CDH9: variants seen among roughly 807,000 people sequenced by gnomAD.
CDH9 encodes cadherin-9.
In CDH9, 28 loss-of-function variants were observed where a neutral mutation model predicts 70.9. The ratio of observed to expected loss-of-function variants is 0.40; its 90% CI spans 0.29 to 0.54. The LOEUF is 0.54. CDH9 is among the 20% of genes least tolerant of loss of function. The probability of loss-of-function intolerance (pLI) is 0.59; values close to 1 mark genes in which losing one functional copy is unlikely to be tolerated. For synonymous variants in CDH9, 409 were observed against 343.1 expected, an observed-to-expected ratio of 1.19 and a Z score of -2.12; for missense variants, 874 against 984.4, an observed-to-expected ratio of 0.89 and a Z score of 1.50.
At chr5:26,883,065 AT>A (rs1740496429) in intron 11 of CDH9, among the ~76,000 whole-genome samples, 1 of 124,042 alleles carries the variant, frequency 8.1e-6, no homozygotes, top group African/African-American at 3.1e-5. Flanking sequence ...ATATATATAT[AT>A]ATATATATAT....
intron 7 of CDH9, among the ~76,000 whole-genome samples, chr5:26,893,371 AG>A (rs1378852249): frequency 2.0e-5 from 3 of 152,162 alleles, no homozygotes; most frequent in Admixed American, 6.6e-5. Context: ...ACTTGGTCTC[AG>A]GTTTTACCTC....
intron 1 of CDH9, among the ~76,000 whole-genome samples, chr5:27,026,288 T>C (rs1036005963): frequency 6.6e-6 from 1 of 151,978 alleles, no homozygotes; most frequent in African/African-American, 2.4e-5. Context: ...GTGGGGTTTA[T>C]GAATTAAATT....
intron 2 of CDH9, among the ~76,000 whole-genome samples, chr5:26,987,270 T>G (rs1317902866): frequency 6.6e-6 from 1 of 151,936 alleles, no homozygotes; most frequent in Non-Finnish European, 1.5e-5. Flanking sequence ...GTTCGTTTTG[T>G]TGTAAAAATT....
At chr5:26,908,323 G>T (rs1420218001) in intron 3 of CDH9, among the ~76,000 whole-genome samples, 1 of 106,120 alleles carries the variant, frequency 9.4e-6, no homozygotes, top group Non-Finnish European at 1.9e-5. Context: ...TTTATGATGT[G>T]CAGAAGTTCA....
chr5:27,005,790 A>AT (rs1483100624), intron 1 of CDH9, among the ~76,000 whole-genome samples: 1 of 152,158 alleles, frequency 6.6e-6, no homozygotes, highest in Non-Finnish European at 1.5e-5. Context: ...GACAGACTGG[A>AT]TAAAAAAAAA....
At chr5:27,034,570 A>G (rs977592122) in intron 1 of CDH9, among the ~76,000 whole-genome samples, 1 of 151,260 alleles carries the variant, frequency 6.6e-6, no homozygotes, top group African/African-American at 2.4e-5. Flanking sequence ...TAAATAATAC[A>G]TCTCTCTCTT....
intron 7 of CDH9, among the ~76,000 whole-genome samples, chr5:26,898,558 C>A (rs1740794168): frequency 6.6e-6 from 1 of 152,212 alleles, no homozygotes; most frequent in Admixed American, 6.5e-5. Context: ...CTGACAAAAG[C>A]AAGAAATGGG....
At chr5:26,940,744 A>G (rs149241920) in intron 2 of CDH9, among the ~76,000 whole-genome samples, 151 of 152,322 alleles carry the variant, frequency 9.9e-4, no homozygotes, top group African/African-American at 3.6e-3. Flanking sequence ...GACAAACAAC[A>G]TAGAACAGTG....
At chr5:26,936,465 A>C (rs1741560124) in intron 2 of CDH9, among the ~76,000 whole-genome samples, 1 of 152,120 alleles carries the variant, frequency 6.6e-6, no homozygotes, top group Admixed American at 6.6e-5. Context: ...GAATAGGACC[A>C]CTCAGTATTT....
intron 3 of CDH9, among the ~76,000 whole-genome samples, chr5:26,914,110 A>C (rs1339200002): frequency 6.6e-6 from 1 of 152,038 alleles, no homozygotes; most frequent in Non-Finnish European, 1.5e-5. Context: ...TATTTCCATT[A>C]TCTTAATTAT....
chr5:26,982,238 A>G (rs891807569), intron 2 of CDH9, among the ~76,000 whole-genome samples: 6 of 152,074 alleles, frequency 3.9e-5, no homozygotes, highest in African/African-American at 1.4e-4. Context: ...CACTGAAATC[A>G]GTGGTGGAAG....
intron 2 of CDH9, among the ~76,000 whole-genome samples, chr5:26,926,926 C>T (rs925029149): frequency 8.3e-5 from 12 of 143,818 alleles, no homozygotes; most frequent in Admixed American, 1.4e-4. Context: ...AGCCCCCCCC[C>T]GCAAAAAAAA....
At chr5:26,982,821 T>G (rs1742421919) in intron 2 of CDH9, among the ~76,000 whole-genome samples, 1 of 151,996 alleles carries the variant, frequency 6.6e-6, no homozygotes, top group Non-Finnish European at 1.5e-5. Context: ...TAGCTAGGAT[T>G]ACAGGCACCT....
At chr5:26,960,450 T>A (rs965384485) in intron 2 of CDH9, among the ~76,000 whole-genome samples, 14 of 151,948 alleles carry the variant, frequency 9.2e-5, no homozygotes, top group African/African-American at 3.1e-4. Context: ...TTTTCACATT[T>A]CTACATATAA....
chr5:26,940,054 G>T (rs966865233), intron 2 of CDH9, among the ~76,000 whole-genome samples: 6 of 151,752 alleles, frequency 4.0e-5, no homozygotes, highest in Non-Finnish European at 8.8e-5. Flanking sequence ...AGCTAGTCAG[G>T]AGACTGAGGC....
At chr5:26,897,742 C>T (rs1275380247) in intron 7 of CDH9, among the ~76,000 whole-genome samples, 1 of 152,060 alleles carries the variant, frequency 6.6e-6, no homozygotes, top group Admixed American at 6.6e-5. Flanking sequence ...GGAAACATTC[C>T]CTTTGAAAAC....
intron 1 of CDH9, among the ~76,000 whole-genome samples, chr5:26,993,568 T>C (rs534241122): frequency 6.6e-6 from 1 of 151,986 alleles, no homozygotes; most frequent in South Asian, 2.1e-4. Context: ...GTGTGAACCA[T>C]AGACTTAATA....
Position 27,022,002 on chromosome 5 carries a change from T to C in CDH9, c.-50+16461A>G, listed in dbSNP as rs367883159. Among the ~76,000 whole-genome samples the C allele has an allele frequency of 2.1e-4, 32 of 152,122 alleles. No individual in the cohort carries two copies. The South Asian group carries it at 2.3e-3, about 11-fold the overall frequency. On this transcript the variant is annotated intron_variant, in intron 1 of 11. Coordinates refer to ENST00000231021, the MANE Select transcript of CDH9 (RefSeq NM_016279.4). ...TGTTATGTTTCCTCCAGACATTACATTGAAACAGAGGGTGTTGCTCTTTTG... is the reference window on the plus strand; with the variant it reads ...TGTTATGTTTCCTCCAGACATTACACTGAAACAGAGGGTGTTGCTCTTTTG...
intron 2 of CDH9, among the ~76,000 whole-genome samples, chr5:26,934,119 G>C (rs1036629635): frequency 6.6e-6 from 1 of 152,056 alleles, no homozygotes; most frequent in African/African-American, 2.4e-5. Flanking sequence ...GAAAGAGAGA[G>C]GGGAGAAAGG....
Sources: allele counts gnomAD v4.1 joint callset (sites outside exome capture counted in the v4.1 genomes callset), GRCh38; gene constraint gnomAD v4.1.1; transcripts MANE v1.5; gene names NCBI Gene and HGNC (gene_info 2026-07-23, HGNC 2026-07-21).